The following AIM2 variants were observed in gnomAD, a reference collection of about 807,000 sequenced individuals.
The protein encoded by AIM2 is absent in melanoma 2, also known as interferon-inducible protein AIM2.
Under a neutral mutation model 27.7 loss-of-function variants are expected in AIM2, and 30 were observed. The observed-to-expected ratio is 1.08, with a 90% CI of 0.81 to 1.47. The LOEUF (loss-of-function observed/expected upper bound fraction) is 1.47. Ranked by LOEUF, AIM2 falls within the 40% of genes most tolerant of loss-of-function variation. The probability of loss-of-function intolerance (pLI) is 0.00; values close to 1 mark genes in which losing one functional copy is unlikely to be tolerated. For missense variants in AIM2, 358 were observed against 411.3 expected (o/e 0.87, Z 1.12); for synonymous variants, 141 against 145.3 (o/e 0.97, Z 0.21).
In AIM2 at chr1:159,128,260, T is replaced by TACACACACAC. The variant is rs35254795; in HGVS notation, c.-16+12161_-16+12170dup. Among the ~76,000 whole-genome samples the TACACACACAC allele has an allele frequency of 9.5e-4, 141 of 147,744 alleles. 1 individual carries two copies. Among genetic ancestry groups the TACACACACAC allele is most frequent in the Non-Finnish European group, 1.2e-3 (80 of 66,796 alleles). ...AATTGTCATCTTATGTGCCAAGGCT[T>TACACACACAC]ACACACACACACACACACACACACA... On this transcript the variant is annotated intron_variant, in intron 1 of 2. Coordinates refer to the AIM2 transcript ENST00000368129.
In AIM2 at chr1:159,109,032, G is replaced by GA. The variant is rs574706961; in HGVS notation, c.-16+31398dup. 7.9e-5 allele frequency among the ~76,000 whole-genome samples: 12 copies of GA among 152,146 alleles called. No individual in the cohort carries two copies. In the South Asian group the frequency reaches 2.3e-3, roughly 29 times the overall value. On this transcript the variant is annotated intron_variant, in intron 1 of 2. Transcript: ENST00000368129. ...ACCACCACCATTCTTCACAGAATTA[G>GA]AAAAAACAATTCTAAAATTCATAAG...
At chr1:159,059,634 T>C (rs993260018), downstream of AIM2, among the ~76,000 whole-genome samples, 5 of 152,222 alleles carry the variant, frequency 3.3e-5, no homozygotes, top group Admixed American at 6.5e-5. Flanking sequence ...TGTAATTGCC[T>C]ATTCTTGAGT....
rs746758434 is a variant in AIM2, at chr1:159,062,517, G to A, written c.*175C>T. The A allele has an allele frequency of 8.0e-6, 5 of 623,414 alleles. No individual in the cohort carries two copies. The highest frequency in any genetic ancestry group is 7.4e-5 in the African/African-American group (4 of 54,024). 38.6% of individuals were successfully genotyped at this position (623,414 alleles called of 1,614,324 possible). On this transcript the variant is annotated 3_prime_UTR_variant, in exon 6 of 6. Transcript: ENST00000368130. ...AAACAGATGTTTATTGTGATCATCT[G>A]TTGATATTCTGAATTTGTTTATCCA...
intron 1 of AIM2, among the ~76,000 whole-genome samples, chr1:159,123,759 A>G (rs1647605767): frequency 6.6e-6 from 1 of 152,228 alleles, no homozygotes; most frequent in Non-Finnish European, 1.5e-5. Context: ...TTAAATCACA[A>G]CAGCTAACTG....
intron 1 of AIM2, among the ~76,000 whole-genome samples, chr1:159,131,362 T>TAC (rs1647868899): frequency 6.6e-6 from 1 of 152,210 alleles, no homozygotes; most frequent in Admixed American, 6.5e-5. Flanking sequence ...TATGTATATG[T>TAC]ATACATATGT....
At chr1:159,125,603 C>T (rs994637049) in intron 1 of AIM2, among the ~76,000 whole-genome samples, 2 of 152,178 alleles carry the variant, frequency 1.3e-5, no homozygotes, top group South Asian at 4.1e-4. Context: ...ACTGTCAAAT[C>T]TGCTACTTAG....
At chr1:159,062,985 C>T (rs1169949016) in intron 5 of AIM2, among the ~76,000 whole-genome samples, 1 of 152,092 alleles carries the variant, frequency 6.6e-6, no homozygotes, top group Non-Finnish European at 1.5e-5. Flanking sequence ...GGCAGTGCAA[C>T]CAACACTGAG....
chr1:159,086,076 A>G (rs1656906590), intron 1 of AIM2, among the ~76,000 whole-genome samples: 1 of 152,202 alleles, frequency 6.6e-6, no homozygotes, highest in African/African-American at 2.4e-5. Context: ...GGAAAGAAGG[A>G]TAGGGCTCAG....
chr1:159,135,359 G>C (rs1206196096), intron 1 of AIM2, among the ~76,000 whole-genome samples: 1 of 152,048 alleles, frequency 6.6e-6, no homozygotes, highest in Non-Finnish European at 1.5e-5. Flanking sequence ...CCATATGTGG[G>C]GCATGCCAGG....
At chr1:159,119,261 C>T (rs916324255) in intron 1 of AIM2, among the ~76,000 whole-genome samples, 1 of 151,952 alleles carries the variant, frequency 6.6e-6, no homozygotes, top group Non-Finnish European at 1.5e-5. Flanking sequence ...TGCAGCATAA[C>T]CTCTCTATCC....
intron 1 of AIM2, among the ~76,000 whole-genome samples, chr1:159,092,634 A>G (rs1657073187): frequency 6.6e-6 from 1 of 152,210 alleles, no homozygotes; most frequent in African/African-American, 2.4e-5. Flanking sequence ...GAATAGGAAC[A>G]ATTGTACCTA....
At chr1:159,071,619 C>T (rs1382975177) in intron 2 of AIM2, among the ~76,000 whole-genome samples, 15 of 152,276 alleles carry the variant, frequency 9.9e-5, no homozygotes, top group Admixed American at 7.9e-4. Flanking sequence ...AAGTGATTCT[C>T]GTGCCTCAGC....
intron 1 of AIM2, among the ~76,000 whole-genome samples, chr1:159,093,945 T>A (rs1657111151): frequency 6.6e-6 from 1 of 151,602 alleles, no homozygotes; most frequent in Admixed American, 6.6e-5. Context: ...TTTCACCATA[T>A]TGGCCAGGAT....
At chr1:159,121,831 T>C (rs910973801) in intron 1 of AIM2, among the ~76,000 whole-genome samples, 1 of 152,200 alleles carries the variant, frequency 6.6e-6, no homozygotes, top group East Asian at 1.9e-4. Flanking sequence ...TAAAAGCCTT[T>C]ACTGTTTATA....
chr1:159,075,611 T>TATATAG (rs1553215674), intron 1 of AIM2, among the ~76,000 whole-genome samples: 2 of 145,766 alleles, frequency 1.4e-5, no homozygotes, highest in African/African-American at 5.1e-5. Context: ...TATATATATA[T>TATATAG]AGAGAGAGAG....
intron 1 of AIM2, among the ~76,000 whole-genome samples, chr1:159,127,205 T>C (rs1281067337): frequency 2.0e-5 from 3 of 152,240 alleles, no homozygotes; most frequent in African/African-American, 7.2e-5. Flanking sequence ...GGTAGGATCC[T>C]GAGTGTTTAT....
In AIM2 at chr1:159,119,351, A is replaced by T. The variant is rs950246102; in HGVS notation, c.-16+21080T>A. Among the ~76,000 whole-genome samples, 6 of 151,818 alleles carry T rather than the reference A, an allele frequency of 4.0e-5. No individual in the cohort carries two copies. The South Asian group carries it at 8.4e-4, about 21-fold the overall frequency. Reference sequence around the variant, plus strand: ...AGAGTAAGGAGTTGGTGTACTAATAACCTCTACTGTGGCAAATAATCTTAT... The same window carrying T: ...AGAGTAAGGAGTTGGTGTACTAATATCCTCTACTGTGGCAAATAATCTTAT... On this transcript the variant is annotated intron_variant, in intron 1 of 2. Coordinates refer to the AIM2 transcript ENST00000368129.
rs188563767 is a variant in AIM2, at chr1:159,108,120, A to G, written c.-16+32311T>C. On this transcript the variant is annotated intron_variant, in intron 1 of 2. Transcript: ENST00000368129. ...AACAAGAAAAGAAAACTACAGACCC[A>G]ATATCCCCAATGAAATAGATCCTAA... is the stretch of plus-strand genomic sequence containing the variant. 1.8e-4 allele frequency among the ~76,000 whole-genome samples: 28 copies of G among 152,296 alleles called. No individual in the cohort carries two copies. The East Asian group carries it at 3.7e-3, about 20-fold the overall frequency.
intron 1 of AIM2, among the ~76,000 whole-genome samples, chr1:159,105,009 G>A (rs9970870): frequency 0.036 from 5,476 of 152,292 alleles, 285 homozygotes; most frequent in South Asian, 0.21. Flanking sequence ...AGTCTTGCTT[G>A]GGCCTGCTGG....
Sources: allele counts gnomAD v4.1 joint callset (sites outside exome capture counted in the v4.1 genomes callset), GRCh38; gene constraint gnomAD v4.1.1; transcripts MANE v1.5; gene names NCBI Gene and HGNC (gene_info 2026-07-23, HGNC 2026-07-21).